Variants in PCDHA2 observed in about 807,000 individuals in gnomAD.
The protein encoded by PCDHA2 is protocadherin alpha-2.
Under a neutral mutation model 66.0 loss-of-function variants are expected in PCDHA2, and 58 were observed. The observed-to-expected ratio is 0.88, with a 90% CI of 0.71 to 1.09. The LOEUF is 1.09. PCDHA2 is among the 50% of genes least tolerant of loss of function. PCDHA2 has a pLI of 0.00. For missense variants in PCDHA2, 1,267 were observed against 1,242.3 expected (o/e 1.02, Z -0.30); for synonymous variants, 634 against 554.0 (o/e 1.14, Z -2.03).
At position 140,796,760 on chromosome 5, in the gene PCDHA2, C is replaced by T; in HGVS notation, c.1796C>T (p.Ala599Val). 6.2e-7 allele frequency: 1 copy of T among 1,614,140 alleles called. No individual in the cohort carries two copies. The highest frequency in any genetic ancestry group is 8.5e-7 in the Non-Finnish European group (1 of 1,179,968). ...GTGGCGAAGGTGCGCGCAGTGGACG[C>T]TGACTCAGGCTACAACGCGTGGCTT... ...HVVAKVRAVD[A>V]DSGYNAWLSY... The change falls in exon 1 of 4, where the codon GCT becomes GTT. Residue 599 changes from alanine (A) to valine (V), a missense_variant. Transcript: ENST00000526136.
At chr5:140,812,399 G>A (rs1554125980) in intron 1 of PCDHA2, 1 of 151,810 alleles carries the variant, frequency 6.6e-6, no homozygotes, top group African/African-American at 2.4e-5. Flanking sequence ...TAGCTAAGGG[G>A]CTTGTCAGTT....
intron 1 of PCDHA2, chr5:140,849,861 G>A (rs2150454483): frequency 1.9e-6 from 3 of 1,598,586 alleles, no homozygotes; most frequent in Admixed American, 3.4e-5. Context: ...ACCAGCGTTC[G>A]CGCAGTCCGA....
intron 1 of PCDHA2, chr5:140,824,318 C>T (rs147635859): frequency 2.7e-6 from 2 of 727,886 alleles, no homozygotes; most frequent in Admixed American, 5.5e-5. Context: ...GATTCATCAG[C>T]TTTCTGTGAT....
chr5:140,955,386 G>T (rs942993673), intron 1 of PCDHA2, among the ~76,000 whole-genome samples: 4 of 152,080 alleles, frequency 2.6e-5, no homozygotes, highest in African/African-American at 9.7e-5. Flanking sequence ...AATCATGGGG[G>T]CAATTATCCC....
chr5:140,861,018 C>T (rs1263823889), intron 1 of PCDHA2: 1 of 152,248 alleles, frequency 6.6e-6, no homozygotes, highest in South Asian at 2.1e-4. Context: ...CGAGTGCCAC[C>T]GCACCCGGCC....
chr5:140,836,243 C>T (rs1774314325), intron 1 of PCDHA2: 1 of 1,613,760 alleles, frequency 6.2e-7, no homozygotes, highest in African/African-American at 1.3e-5. Context: ...GTGCGAGCAT[C>T]CCGTTCCGCG....
chr5:140,852,648 C>A, intron 1 of PCDHA2: 1 of 958,186 alleles, frequency 1.0e-6, no homozygotes, highest in Non-Finnish European at 1.3e-6. Context: ...TTAAACCTAT[C>A]TATATCTGTC....
intron 1 of PCDHA2, chr5:140,809,545 G>A: frequency 6.2e-7 from 1 of 1,613,146 alleles, no homozygotes; most frequent in South Asian, 1.1e-5. Flanking sequence ...AAGATCAGCT[G>A]CAGACAACTG....
At chr5:140,997,291 G>C (rs2097766119) in intron 3 of PCDHA2, among the ~76,000 whole-genome samples, 1 of 152,030 alleles carries the variant, frequency 6.6e-6, no homozygotes, top group African/African-American at 2.4e-5. Flanking sequence ...TTAACAATGG[G>C]GATACACTGA....
chr5:140,928,570 C>G, intron 1 of PCDHA2: 1 of 1,614,196 alleles, frequency 6.2e-7, no homozygotes, highest in Non-Finnish European at 8.5e-7. Flanking sequence ...GTTTCCCTTG[C>G]CCAGAAATGG....
chr5:140,990,232 C>T (rs983376308), intron 3 of PCDHA2, among the ~76,000 whole-genome samples: 4 of 152,054 alleles, frequency 2.6e-5, no homozygotes, highest in Non-Finnish European at 4.4e-5. Flanking sequence ...TTGTAACTAG[C>T]GTTGTATTCC....
At chr5:140,818,085 A>G (rs1296025308) in intron 1 of PCDHA2, among the ~76,000 whole-genome samples, 1 of 152,136 alleles carries the variant, frequency 6.6e-6, no homozygotes, top group Non-Finnish European at 1.5e-5. Flanking sequence ...AAAGCTTCTT[A>G]TATCTGTGGG....
intron 1 of PCDHA2, chr5:140,967,407 G>A: frequency 6.2e-7 from 1 of 1,613,098 alleles, no homozygotes; most frequent in South Asian, 1.1e-5. Context: ...CTGCGTAAGG[G>A]CCTAGACCGG....
chr5:140,965,999 A>T (rs1300275113), intron 1 of PCDHA2, among the ~76,000 whole-genome samples: 1 of 152,140 alleles, frequency 6.6e-6, no homozygotes, highest in Non-Finnish European at 1.5e-5. Context: ...AGTACTTAAG[A>T]GTGTCCAGGG....
At chr5:140,967,371 A>C in intron 1 of PCDHA2, 1 of 1,607,094 alleles carries the variant, frequency 6.2e-7, no homozygotes, top group Non-Finnish European at 8.5e-7. Context: ...CCCCTGCAGG[A>C]GAACAGTAAA....
chr5:140,952,072 A>G (rs1433517410), intron 1 of PCDHA2, among the ~76,000 whole-genome samples: 1 of 152,112 alleles, frequency 6.6e-6, no homozygotes, highest in Non-Finnish European at 1.5e-5. Context: ...AATAATCTTC[A>G]TTGACTCCAT....
intron 1 of PCDHA2, among the ~76,000 whole-genome samples, chr5:140,934,368 C>A (rs2089796426): frequency 6.6e-6 from 1 of 152,102 alleles, no homozygotes; most frequent in African/African-American, 2.4e-5. Context: ...TGCTTTGACT[C>A]CTTCTGTGGT....
intron 1 of PCDHA2, chr5:140,849,310 G>A (rs2150434559): frequency 3.1e-6 from 4 of 1,307,514 alleles, no homozygotes; most frequent in African/African-American, 1.7e-5. Flanking sequence ...TTAGACGAAG[G>A]CTTGAATGGG....
chr5:140,943,603 G>A (rs1554215788), intron 1 of PCDHA2, among the ~76,000 whole-genome samples: 1 of 152,100 alleles, frequency 6.6e-6, no homozygotes, highest in African/African-American at 2.4e-5. Context: ...TCTAAATATA[G>A]ACTTTGATTC....
Sources: gnomAD v4.1 joint callset for allele counts (sites outside exome capture counted in the v4.1 genomes callset) on GRCh38, gnomAD v4.1.1 for gene constraint, MANE v1.5 for transcripts, NCBI Gene and HGNC (gene_info 2026-07-23, HGNC 2026-07-21) for gene names.